Variants in PTPN3 observed in about 807,000 individuals in gnomAD.
The protein encoded by PTPN3 is protein tyrosine phosphatase non-receptor type 3.
PTPN3 carries 96 observed loss-of-function variants against 132.7 expected under a neutral mutation model. That is an observed-to-expected ratio of 0.72 (90% CI 0.61 to 0.86). The LOEUF (loss-of-function observed/expected upper bound fraction) is 0.86. Among genes scored for constraint, PTPN3 ranks in the 40% least tolerant of loss-of-function variants. The pLI is 0.00. For missense variants in PTPN3, 1,125 were observed against 1,159.6 expected, an observed-to-expected ratio of 0.97 and a Z score of 0.43; for synonymous variants, 398 against 429.0, an observed-to-expected ratio of 0.93 and a Z score of 0.89.
chr9:109,451,206 T>C (rs116563048), intron 5 of PTPN3: 24 of 976,700 alleles, frequency 2.5e-5, no homozygotes, highest in Admixed American at 6.2e-5. Context: ...CTGGGCAACA[T>C]AGCAAGACCC....
the PTPN3 span, chr9:109,534,007 A>G: frequency 1.3e-6 from 1 of 767,434 alleles, no homozygotes; most frequent in Admixed American, 1.7e-5. Flanking sequence ...CAAACTCCAC[A>G]GTCTCTCCAT....
the PTPN3 span, among the ~76,000 whole-genome samples, chr9:109,524,235 C>A: frequency 6.6e-6 from 1 of 151,832 alleles, no homozygotes; most frequent in Non-Finnish European, 1.5e-5. Context: ...CAGAGTGGGA[C>A]CTTGTCTCAA....
At chr9:109,499,237 G>A (rs919533094), upstream of PTPN3, among the ~76,000 whole-genome samples, 1 of 152,096 alleles carries the variant, frequency 6.6e-6, no homozygotes, top group Non-Finnish European at 1.5e-5. Flanking sequence ...GAGATTTGGG[G>A]CTGGAGGTAA....
chr9:109,381,552 T>G, intron 25 of PTPN3, 100 bp downstream of exon 25: 5 of 1,494,816 alleles, frequency 3.3e-6, no homozygotes, highest in South Asian at 1.2e-5. Flanking sequence ...TCAGTCCCCC[T>G]GAGCTGCAGT....
Position 109,448,814 on chromosome 9 carries a change from C to T in PTPN3, c.410G>A (p.Gly137Glu), listed in dbSNP as rs763818081. ...FLQLKMDICE[G>E]RLTCPLNSAV... Reference sequence around the variant, plus strand: ...AAAAATGTAAAATTCTCATTACCTTCCTTCGCAAATATCCATCTTCAGTTG... The same window carrying T: ...AAAAATGTAAAATTCTCATTACCTTTCTTCGCAAATATCCATCTTCAGTTG... The change falls in exon 6 of 26, where the codon GGA (glycine) becomes GAA (glutamate). Residue 137 changes from glycine (G) to glutamate (E), a missense_variant. Transcript: ENST00000374541. The T allele has an allele frequency of 8.8e-6, 14 of 1,599,876 alleles. No individual in the cohort carries two copies. The highest frequency in any genetic ancestry group is 1.1e-5 in the Non-Finnish European group (13 of 1,176,154).
At chr9:109,481,544 TCA>T (rs1846958814) in intron 1 of PTPN3, among the ~76,000 whole-genome samples, 1 of 152,212 alleles carries the variant, frequency 6.6e-6, no homozygotes, top group Non-Finnish European at 1.5e-5. Context: ...CCTGGCTCTC[TCA>T]CTCAGTTTCT....
intron 11 of PTPN3, 83 bp from the exon 12 acceptor site, chr9:109,427,205 G>C (rs1843344095): frequency 2.1e-6 from 3 of 1,438,496 alleles, no homozygotes; most frequent in Non-Finnish European, 2.9e-6. Flanking sequence ...TTGGTGAAAT[G>C]AGGTAAGATG....
chr9:109,413,378 G>A (rs764542488), intron 14 of PTPN3, among the ~76,000 whole-genome samples: 2 of 152,216 alleles, frequency 1.3e-5, no homozygotes, highest in Admixed American at 1.3e-4. Context: ...GTGATATTCT[G>A]TTCAGTGTGC....
chr9:109,382,684 C>G (rs1839212899), intron 23 of PTPN3, among the ~76,000 whole-genome samples: 1 of 151,644 alleles, frequency 6.6e-6, no homozygotes. Flanking sequence ...CCAGTGATCT[C>G]CTCTGCCCAG....
chr9:109,496,198 G>C (rs943786719), intron 1 of PTPN3, among the ~76,000 whole-genome samples: 4 of 152,204 alleles, frequency 2.6e-5, no homozygotes, highest in Non-Finnish European at 5.9e-5. Context: ...CTGCAAATTG[G>C]TATTCCATTA....
At chr9:109,414,818 G>A (rs1180139859) in intron 14 of PTPN3, among the ~76,000 whole-genome samples, 4 of 152,182 alleles carry the variant, frequency 2.6e-5, no homozygotes, top group Non-Finnish European at 5.9e-5. Flanking sequence ...CCCTGCAGGG[G>A]CACCTACCAC....
chr9:109,477,333 G>GC (rs1328018268), intron 1 of PTPN3, among the ~76,000 whole-genome samples: 2 of 152,072 alleles, frequency 1.3e-5, no homozygotes, highest in Non-Finnish European at 2.9e-5. Context: ...AAACCTTCTT[G>GC]CCCCCTAATT....
At chr9:109,489,100 C>T (rs1847342547) in intron 1 of PTPN3, among the ~76,000 whole-genome samples, 1 of 152,216 alleles carries the variant, frequency 6.6e-6, no homozygotes, top group Non-Finnish European at 1.5e-5. Context: ...CACACCCTGG[C>T]TCTTAAATTC....
chr9:109,477,732 C>T (rs1846752530), intron 1 of PTPN3, among the ~76,000 whole-genome samples: 1 of 152,236 alleles, frequency 6.6e-6, no homozygotes, highest in Non-Finnish European at 1.5e-5. Flanking sequence ...CCTGGGGCCG[C>T]TCCTACCTGA....
chr9:109,492,282 C>A (rs1368152142), intron 1 of PTPN3, among the ~76,000 whole-genome samples: 3 of 152,032 alleles, frequency 2.0e-5, no homozygotes, highest in Non-Finnish European at 4.4e-5. Context: ...CATGCATGGG[C>A]CAGGTCTCCA....
In PTPN3 at chr9:109,379,335, C is replaced by T; in HGVS notation, c.*221G>A. 1.9e-6 allele frequency: 1 copy of T among 538,334 alleles called. No individual in the cohort carries two copies. Among genetic ancestry groups the T allele is most frequent in the Non-Finnish European group, 3.3e-6 (1 of 302,756 alleles). The allele number at this position is 538,334 out of a possible 1,614,324, so 33.3% of individuals were successfully genotyped here. A position where few individuals can be genotyped will look rare whatever the true frequency, so the allele number is the denominator to read the frequency against. On this transcript the variant is annotated 3_prime_UTR_variant, in exon 26 of 26. Coordinates refer to ENST00000374541, the MANE Select transcript of PTPN3 (RefSeq NM_002829.4). ...AACTGAGATCCTTTTTGTATCTTTC[C>T]ATAGAAATACAGGCCTAAATGATGC...
At chr9:109,438,305 T>A in intron 7 of PTPN3, 71 bp from the exon 8 acceptor site, 1 of 1,464,876 alleles carries the variant, frequency 6.8e-7, no homozygotes, top group Non-Finnish European at 9.3e-7. Flanking sequence ...TTTATAAGCA[T>A]CTACAGCATC....
chr9:109,379,930 G>T (rs1337369729), intron 25 of PTPN3, among the ~76,000 whole-genome samples: 1 of 152,180 alleles, frequency 6.6e-6, no homozygotes, highest in African/African-American at 2.4e-5. Flanking sequence ...TGGAAGTGTG[G>T]AAGCCTCAGT....
chr9:109,463,555 A>G (rs1845952579), intron 1 of PTPN3, 104 bp from the exon 2 acceptor site: 1 of 1,044,338 alleles, frequency 9.6e-7, no homozygotes, highest in African/African-American at 1.6e-5. Context: ...TGTCTGACGG[A>G]CTCACAGATA....
Sources: gnomAD v4.1 joint callset for allele counts (sites outside exome capture counted in the v4.1 genomes callset) on GRCh38, gnomAD v4.1.1 for gene constraint, MANE v1.5 for transcripts, NCBI Gene and HGNC (gene_info 2026-07-23, HGNC 2026-07-21) for gene names.